CCDC102B: variants seen among roughly 807,000 people sequenced by gnomAD.
CCDC102B encodes the protein coiled-coil domain containing 102B, also known as coiled-coil domain-containing protein 102B.
CCDC102B carries 75 observed loss-of-function variants against 57.4 expected under a neutral mutation model. The ratio of observed to expected loss-of-function variants is 1.31; its 90% CI spans 1.08 to 1.58. The LOEUF is 1.58. CCDC102B is among the 40% of genes most tolerant of loss of function. The pLI is 0.00. For missense variants in CCDC102B, 636 were observed against 582.6 expected (o/e 1.09, Z -0.94); for synonymous variants, 206 against 201.9 (o/e 1.02, Z -0.17).
chr18:69,050,859 T>C (rs527870599), intron 7 of CCDC102B, among the ~76,000 whole-genome samples: 55 of 152,300 alleles, frequency 3.6e-4, no homozygotes, highest in Middle Eastern at 3.4e-3. Flanking sequence ...TTTACCTAGG[T>C]GTTTCAGTAA....
chr18:68,902,782 T>G (rs1830196649), intron 6 of CCDC102B, among the ~76,000 whole-genome samples: 1 of 152,208 alleles, frequency 6.6e-6, no homozygotes, highest in African/African-American at 2.4e-5. Flanking sequence ...TAGAAAAGCC[T>G]TTCCTGATCT....
intron 6 of CCDC102B, among the ~76,000 whole-genome samples, chr18:68,957,554 C>T (rs530335738): frequency 0.039 from 3,757 of 96,550 alleles, 83 homozygotes; most frequent in African/African-American, 0.089. Flanking sequence ...TGTGATTCTT[C>T]CAGTTTTTTT....
chr18:68,838,085 A>G (rs963941017), intron 2 of CCDC102B, among the ~76,000 whole-genome samples: 2 of 152,184 alleles, frequency 1.3e-5, no homozygotes, highest in African/African-American at 2.4e-5. Context: ...GCAAATTTAA[A>G]TTGTAGGCAA....
chr18:68,882,452 TA>T (rs2039724285), intron 5 of CCDC102B, among the ~76,000 whole-genome samples: 1 of 152,244 alleles, frequency 6.6e-6, no homozygotes, highest in Non-Finnish European at 1.5e-5. Flanking sequence ...TCTCTGCATT[TA>T]AAAGGATTGA....
chr18:68,779,026 C>T (rs1293204265), intron 2 of CCDC102B, among the ~76,000 whole-genome samples: 1 of 151,960 alleles, frequency 6.6e-6, no homozygotes, highest in Non-Finnish European at 1.5e-5. Context: ...TAAGAAGGTT[C>T]GTTATGCATT....
At chr18:68,994,047 C>G (rs28498305) in intron 6 of CCDC102B, among the ~76,000 whole-genome samples, 5,369 of 152,198 alleles carry the variant, frequency 0.035, 330 homozygotes, top group African/African-American at 0.12. Flanking sequence ...AAATCAGCCT[C>G]TAGCCACTGG....
intron 6 of CCDC102B, among the ~76,000 whole-genome samples, chr18:68,981,683 A>T (rs2050586167): frequency 6.6e-6 from 1 of 151,996 alleles, no homozygotes; most frequent in African/African-American, 2.4e-5. Context: ...CTAAGGCAGA[A>T]ATTTCTGAAA....
intron 2 of CCDC102B, among the ~76,000 whole-genome samples, chr18:68,738,793 G>A (rs1299182085): frequency 1.3e-5 from 2 of 152,056 alleles, no homozygotes; most frequent in Non-Finnish European, 2.9e-5. Context: ...CCCACTCCAT[G>A]CCTCCCACGC....
chr18:68,988,017 C>T (rs1270191991), intron 6 of CCDC102B, among the ~76,000 whole-genome samples: 1 of 152,290 alleles, frequency 6.6e-6, no homozygotes, highest in East Asian at 1.9e-4. Context: ...AGCAGAACTA[C>T]CATTCCACTC....
At chr18:68,916,437 A>G (rs1440289834) in intron 6 of CCDC102B, among the ~76,000 whole-genome samples, 1 of 152,224 alleles carries the variant, frequency 6.6e-6, no homozygotes, top group Non-Finnish European at 1.5e-5. Context: ...CTAGCTCTGT[A>G]TCTCCTTGTT....
chr18:68,731,253 G>A (rs2032849680), intron 2 of CCDC102B, among the ~76,000 whole-genome samples: 1 of 152,068 alleles, frequency 6.6e-6, no homozygotes, highest in South Asian at 2.1e-4. Context: ...CAAAGTGCTG[G>A]GATTACAGAG....
chr18:68,999,661 G>A (rs190859220), intron 6 of CCDC102B, among the ~76,000 whole-genome samples: 26 of 152,120 alleles, frequency 1.7e-4, no homozygotes, highest in African/African-American at 6.0e-4. Context: ...AAGTTCTGGG[G>A]TAAGTTTTAT....
chr18:68,948,199 C>T (rs2049592978), intron 6 of CCDC102B, among the ~76,000 whole-genome samples: 2 of 151,968 alleles, frequency 1.3e-5, no homozygotes, highest in African/African-American at 4.8e-5. Context: ...GCACCATTTT[C>T]TATGATAACA....
intron 7 of CCDC102B, among the ~76,000 whole-genome samples, chr18:69,034,017 ATCT>A (rs1418536332): frequency 2.0e-5 from 3 of 152,004 alleles, no homozygotes; most frequent in South Asian, 2.1e-4. Flanking sequence ...ATTTATTCAC[ATCT>A]TCTGCTCATT....
intron 6 of CCDC102B, among the ~76,000 whole-genome samples, chr18:69,001,412 C>A (rs944768660): frequency 5.9e-5 from 9 of 151,400 alleles, no homozygotes; most frequent in Non-Finnish European, 4.4e-5. Context: ...TAAAGACAGG[C>A]TTTTTATCAC....
chr18:68,743,654 G>A (rs979039653), intron 2 of CCDC102B, among the ~76,000 whole-genome samples: 26 of 152,132 alleles, frequency 1.7e-4, no homozygotes, highest in Admixed American at 6.6e-5. Flanking sequence ...ATGCTCTATG[G>A]AGTCTTGTCC....
At chr18:68,874,576 A>T in intron 4 of CCDC102B, 93 bp from the exon 5 acceptor site, 1 of 738,500 alleles carries the variant, frequency 1.4e-6, no homozygotes, top group Non-Finnish European at 2.3e-6. Context: ...AAAAGGCAAA[A>T]CAACACTAAA....
At chr18:68,988,576 G>A (rs531226373) in intron 6 of CCDC102B, among the ~76,000 whole-genome samples, 92 of 147,020 alleles carry the variant, frequency 6.3e-4, no homozygotes, top group Middle Eastern at 3.6e-3. Flanking sequence ...CAAAAAAAAA[G>A]GAAAAAAAAG....
chr18:68,738,993 C>CT (rs201214278), intron 2 of CCDC102B, among the ~76,000 whole-genome samples: 8 of 145,024 alleles, frequency 5.5e-5, no homozygotes, highest in East Asian at 2.1e-4. Flanking sequence ...GATGAGCAGC[C>CT]TTTTGTTTTT....
Sources: gnomAD v4.1 joint callset for allele counts (sites outside exome capture counted in the v4.1 genomes callset) on GRCh38, gnomAD v4.1.1 for gene constraint, MANE v1.5 for transcripts, NCBI Gene and HGNC (gene_info 2026-07-23, HGNC 2026-07-21) for gene names.